ZNF816: variants seen among roughly 807,000 people sequenced by gnomAD.
The protein encoded by ZNF816 is zinc finger protein 816.
A neutral mutation model predicts 8.3 loss-of-function variants in ZNF816; 11 were observed. That is an observed-to-expected ratio of 1.32 (90% CI 0.83 to 2.19). ZNF816 has a LOEUF of 2.19. Ranked by LOEUF, ZNF816 falls within the 30% of genes most tolerant of loss-of-function variation. The pLI is 0.00. For synonymous variants in ZNF816, 255 were observed against 254.5 expected (o/e 1.00, Z -0.02); for missense variants, 710 against 779.3 (o/e 0.91, Z 1.06).
intron 1 of ZNF816, among the ~76,000 whole-genome samples, chr19:52,961,785 A>C (rs1264095049): frequency 1.3e-5 from 2 of 152,200 alleles, no homozygotes. Context: ...AATGTAGCTC[A>C]TTCCCTCAAT....
At position 52,961,069 on chromosome 19, in the gene ZNF816, T is replaced by A. The variant is rs374747347; in HGVS notation, c.-16+1658A>T. 1.5e-4 allele frequency among the ~76,000 whole-genome samples: 23 copies of A among 152,300 alleles called. No homozygotes were observed. In the South Asian group the frequency reaches 2.3e-3, roughly 15 times the overall value. On this transcript the variant is annotated intron_variant, in intron 1 of 3. Transcript: ENST00000444460. ...GAGATAGGACAGCAAATTAAAACAA[T>A]CTTTCTGTTCTATAGTTATTATGAA...
chr19:52,951,335 G>A lies in ZNF816; in HGVS notation c.440C>T (p.Ala147Val). Residue 147 changes from alanine to valine, a missense_variant, in exon 4 of 4, where the codon GCT becomes GTT. Transcript: ENST00000444460. ...GSTDRSDHRH[A>V]GNKPIKDQLG... Reference sequence around the variant, plus strand: ...CTGATCTTTAATAGGCTTGTTTCCAGCATGCCTGTGATCACTTCGGTCTGT... The same window carrying A: ...CTGATCTTTAATAGGCTTGTTTCCAACATGCCTGTGATCACTTCGGTCTGT... 6.2e-7 allele frequency: 1 copy of A among 1,614,192 alleles called. No homozygotes were observed. Among genetic ancestry groups the A allele is most frequent in the Non-Finnish European group, 8.5e-7 (1 of 1,180,030 alleles).
At chr19:52,953,347 C>T (rs760960473) in intron 2 of ZNF816, 10 of 308,820 alleles carry the variant, frequency 3.2e-5, no homozygotes, top group African/African-American at 2.1e-4. Context: ...GAGCCAAGAT[C>T]GTGCCATTGC....
At chr19:52,956,250 A>T in intron 1 of ZNF816, 146 bp from the exon 2 acceptor site, 1 of 899,126 alleles carries the variant, frequency 1.1e-6, no homozygotes, top group Non-Finnish European at 1.7e-6. Context: ...GAGATAAGAA[A>T]GTTCCACAGG....
Position 52,951,257 on chromosome 19 carries a change from T to C in ZNF816, c.518A>G (p.Lys173Arg), listed in dbSNP as rs1257214647. ...GTCCAATTGGTTACTAATTTTCCCT[T>C]TAGTCTGAAACATGTGGAGTTCAGG... is the stretch of plus-strand genomic sequence containing the variant. The part of the protein sequence containing the change: ...HLPELHMFQT[K>R]GKISNQLDKS... Residue 173 changes from lysine to arginine, a missense_variant, in exon 4 of 4, where the codon AAA becomes AGA. By Grantham distance (26) the Lys-to-Arg change is conservative. Transcript: ENST00000444460. 7 of 1,614,140 alleles carry C rather than the reference T, an allele frequency of 4.3e-6. No individual in the cohort carries two copies. Among genetic ancestry groups the C allele is most frequent in the Non-Finnish European group, 5.1e-6 (6 of 1,180,020 alleles).
chr19:52,959,606 C>T (rs2083539474), intron 1 of ZNF816, among the ~76,000 whole-genome samples: 2 of 152,158 alleles, frequency 1.3e-5, no homozygotes, highest in Admixed American at 6.5e-5. Flanking sequence ...GGCCTTAGAA[C>T]TCAGTGAAGG....
In ZNF816 at chr19:52,950,507, C is replaced by G; in HGVS notation, c.1268G>C (p.Gly423Ala). The change falls in exon 4 of 4, where the codon GGA becomes GCA. Residue 423 changes from glycine to alanine, a missense_variant. Physicochemically the swap from Gly to Ala is moderately conservative, Grantham distance 60. Transcript: ENST00000444460. ...ERHRKIHTGE[G>A]SYKCKVCDKV... ...GTCACAAACCTTACATTTGTATGATCCCTCTCCAGTATGAATCTTCCTATG... is the reference window on the plus strand; with the variant it reads ...GTCACAAACCTTACATTTGTATGATGCCTCTCCAGTATGAATCTTCCTATG... 1 of 1,611,606 alleles carries G rather than the reference C, an allele frequency of 6.2e-7. No individual in the cohort carries two copies. Among genetic ancestry groups the G allele is most frequent in the Non-Finnish European group, 8.5e-7 (1 of 1,179,280 alleles).
intron 1 of ZNF816, among the ~76,000 whole-genome samples, chr19:52,956,992 A>G (rs2083516110): frequency 6.6e-6 from 1 of 152,238 alleles, no homozygotes; most frequent in South Asian, 2.1e-4. Flanking sequence ...TGATGCACGT[A>G]GTGTCAAGTC....
intron 1 of ZNF816, among the ~76,000 whole-genome samples, chr19:52,961,018 G>A (rs1427713170): frequency 2.6e-5 from 4 of 152,174 alleles, no homozygotes; most frequent in Non-Finnish European, 4.4e-5. Flanking sequence ...ACTAAGGACT[G>A]TTCCCAGTGT....
In ZNF816 at chr19:52,949,856, T is replaced by G. The variant is rs1348565203; in HGVS notation, c.1919A>C (p.Gln640Pro). Reference protein sequence around the residue: ...FTGQSTLIHHQAIHGCRETLQ... With the variant: ...FTGQSTLIHHPAIHGCRETLQ... ...AGTTTCCCTACACCCATGGATTGCT[T>G]GATGGTGAATAAGTGTTGACTGTCC... Residue 640 changes from glutamine (Q) to proline (P), a missense_variant, in exon 4 of 4, where the codon CAA becomes CCA. By Grantham distance (76) the Gln-to-Pro change is moderately conservative. Transcript: ENST00000444460. 6.2e-7 allele frequency: 1 copy of G among 1,613,740 alleles called. No homozygotes were observed. Among genetic ancestry groups the G allele is most frequent in the African/African-American group, 1.3e-5 (1 of 75,060 alleles).
chr19:52,960,917 G>A (rs921198094), intron 1 of ZNF816, among the ~76,000 whole-genome samples: 3 of 152,180 alleles, frequency 2.0e-5, no homozygotes, highest in African/African-American at 7.2e-5. Flanking sequence ...CTGGTCCTAC[G>A]CACAGTGGAA....
intron 1 of ZNF816, chr19:52,956,394 G>GC: frequency 3.8e-6 from 1 of 260,340 alleles, no homozygotes; most frequent in Non-Finnish European, 7.3e-6. Context: ...GCAGAGCACA[G>GC]CCCCCTCACC....
At chr19:52,961,049 A>G (rs946159963) in intron 1 of ZNF816, among the ~76,000 whole-genome samples, 5 of 152,254 alleles carry the variant, frequency 3.3e-5, no homozygotes, top group African/African-American at 1.2e-4. Flanking sequence ...TCACTGAGAT[A>G]GGACAGCAAA....
chr19:52,961,474 T>A (rs1300093413), intron 1 of ZNF816, among the ~76,000 whole-genome samples: 6 of 151,862 alleles, frequency 4.0e-5, no homozygotes, highest in African/African-American at 1.5e-4. Context: ...CTTAGAAAAA[T>A]GACAAAAAAG....
chr19:52,953,316 A>G (rs1261889657), intron 2 of ZNF816: 2 of 349,934 alleles, frequency 5.7e-6, no homozygotes, highest in Admixed American at 3.0e-5. Context: ...TAACTTGAGA[A>G]CAAGAGACGA....
chr19:52,954,810 A>G (rs2083495320), intron 2 of ZNF816, among the ~76,000 whole-genome samples: 2 of 122,540 alleles, frequency 1.6e-5, no homozygotes, highest in South Asian at 5.5e-4. Flanking sequence ...CTCAAAAAAC[A>G]TGCAAAAAAA....
chr19:52,959,797 C>T (rs2083541216), intron 1 of ZNF816, among the ~76,000 whole-genome samples: 1 of 152,170 alleles, frequency 6.6e-6, no homozygotes, highest in Non-Finnish European at 1.5e-5. Flanking sequence ...TCATGCACTG[C>T]AGAGGACACC....
At position 52,956,083 on chromosome 19, in the gene ZNF816, G is replaced by C; in HGVS notation, c.7C>G (p.Arg3Gly). 6.2e-7 allele frequency: 1 copy of C among 1,610,186 alleles called. No individual in the cohort carries two copies. Among genetic ancestry groups the C allele is most frequent in the Non-Finnish European group, 8.5e-7 (1 of 1,179,030 alleles). MLREEATKKSKEK... is the reference protein window; with the variant it reads MLGEEATKKSKEK... ...TTGCTCTTCTTGGTGGCTTCCTCAC[G>C]TAACATGAGTCTTTGGAAATCCTGT... The change falls in exon 2 of 4, where the codon CGT (arginine) becomes GGT (glycine). Residue 3 changes from arginine (R) to glycine (G), a missense_variant. Arg to Gly is a moderately radical substitution (Grantham distance 125). Transcript: ENST00000444460.
chr19:52,949,724 T>G lies in ZNF816; in HGVS notation c.*95A>C. 1.3e-6 allele frequency: 2 copies of G among 1,583,616 alleles called. No individual in the cohort carries two copies. Among genetic ancestry groups the G allele is most frequent in the Non-Finnish European group, 1.7e-6 (2 of 1,156,822 alleles). On this transcript the variant is annotated 3_prime_UTR_variant, in exon 4 of 4. Transcript: ENST00000444460. Reference sequence around the variant, plus strand: ...AAGTTATGAATGACGTCTGAAAAATTTGCCACATTTATTACACTTGTAGAT... The same window carrying G: ...AAGTTATGAATGACGTCTGAAAAATGTGCCACATTTATTACACTTGTAGAT...
Sources: gnomAD v4.1 joint callset for allele counts (sites outside exome capture counted in the v4.1 genomes callset) on GRCh38, gnomAD v4.1.1 for gene constraint, MANE v1.5 for transcripts, NCBI Gene and HGNC (gene_info 2026-07-23, HGNC 2026-07-21) for gene names.